Variants in ZC3H13 observed in about 807,000 individuals in gnomAD.
The protein encoded by ZC3H13 is zinc finger CCCH-type containing 13.
In ZC3H13, 64 loss-of-function variants were observed where a neutral mutation model predicts 204.1. The ratio of observed to expected loss-of-function variants is 0.31; its 90% CI spans 0.26 to 0.39. The LOEUF (loss-of-function observed/expected upper bound fraction) is 0.39, where lower values mean the gene tolerates loss of function less well. Among genes scored for constraint, ZC3H13 ranks in the 10% least tolerant of loss-of-function variants. The probability of loss-of-function intolerance (pLI) is 1.00; values close to 1 mark genes in which losing one functional copy is unlikely to be tolerated. For synonymous variants in ZC3H13, 667 were observed against 693.7 expected (o/e 0.96, Z 0.60); for missense variants, 1,833 against 2,082.7 (o/e 0.88, Z 2.33).
intron 4 of ZC3H13, among the ~76,000 whole-genome samples, chr13:46,029,427 C>CTT (rs964729202): frequency 2.1e-4 from 29 of 138,816 alleles, no homozygotes; most frequent in Admixed American, 3.6e-4. Context: ...TGGACTACTT[C>CTT]TTTTTTTTTT....
intron 10 of ZC3H13, among the ~76,000 whole-genome samples, chr13:45,983,015 A>G (rs557284308): frequency 6.6e-6 from 1 of 152,300 alleles, no homozygotes; most frequent in Non-Finnish European, 1.5e-5. Flanking sequence ...AAATTCCACA[A>G]TCACAGTGGA....
chr13:46,051,680 TAA>T (rs1228276189), intron 1 of ZC3H13, among the ~76,000 whole-genome samples: 2 of 152,182 alleles, frequency 1.3e-5, no homozygotes, highest in African/African-American at 4.8e-5. Flanking sequence ...CCAAAAATCT[TAA>T]GAGACTTCAT....
At chr13:45,981,479 T>C (rs990060490) in intron 10 of ZC3H13, among the ~76,000 whole-genome samples, 2 of 152,160 alleles carry the variant, frequency 1.3e-5, no homozygotes, top group African/African-American at 4.8e-5. Flanking sequence ...GCATGATTTA[T>C]AGTCCTTTGG....
At chr13:45,989,855 T>C (rs192073528) in intron 8 of ZC3H13, among the ~76,000 whole-genome samples, 180 of 152,312 alleles carry the variant, frequency 1.2e-3, no homozygotes, top group Non-Finnish European at 2.1e-3. Flanking sequence ...GTCCAAACTT[T>C]TGTGCAATAA....
intron 17 of ZC3H13, chr13:45,962,775 T>C (rs1333119420): frequency 3.0e-6 from 3 of 985,278 alleles, no homozygotes; most frequent in Non-Finnish European, 3.6e-6. Flanking sequence ...GGACATGACG[T>C]AAAATTGTTA....
chr13:46,044,495 T>C (rs989838536), intron 3 of ZC3H13, among the ~76,000 whole-genome samples: 1 of 152,136 alleles, frequency 6.6e-6, no homozygotes, highest in Non-Finnish European at 1.5e-5. Flanking sequence ...ATTAACATAC[T>C]GTGCTAAGGG....
At position 45,985,383 on chromosome 13, in the gene ZC3H13, T is replaced by C. The variant is rs1954082729; in HGVS notation, c.1634A>G (p.Asn545Ser). Residue 545 changes from asparagine to serine, a missense_variant, in exon 10 of 19, where the codon AAT becomes AGT. Transcript: ENST00000679008. ...ACTTCGAGACTCATTTCTGGACTCA[T>C]TCCTTATTTCCGTACGAGAACTTTC... ...REESSRTEIR[N>S]ESRNESRSEI... 1 of 1,614,250 alleles carries C rather than the reference T, an allele frequency of 6.2e-7. No homozygotes were observed. Among genetic ancestry groups the C allele is most frequent in the Non-Finnish European group, 8.5e-7 (1 of 1,180,046 alleles).
At chr13:46,048,792 G>A (rs1306890065) in intron 1 of ZC3H13, among the ~76,000 whole-genome samples, 3 of 151,886 alleles carry the variant, frequency 2.0e-5, no homozygotes, top group Non-Finnish European at 4.4e-5. Context: ...TTCACTTGCA[G>A]CTACTACTGT....
intron 10 of ZC3H13, among the ~76,000 whole-genome samples, chr13:45,982,753 CA>C (rs1953760796): frequency 6.6e-6 from 1 of 151,916 alleles, no homozygotes; most frequent in Admixed American, 6.6e-5. Context: ...TGTCAGCTCT[CA>C]AAAAGTCTGG....
At chr13:46,015,561 A>T (rs1260091537) in intron 5 of ZC3H13, among the ~76,000 whole-genome samples, 4 of 152,130 alleles carry the variant, frequency 2.6e-5, no homozygotes, top group Admixed American at 2.6e-4. Flanking sequence ...GATTACCAAA[A>T]TATTTTCACA....
rs143522893 is a variant in ZC3H13, at chr13:46,011,271, A to G, written c.588+144T>C. 345 of 507,472 alleles carry G rather than the reference A, an allele frequency of 6.8e-4. 2 individuals carry two copies. The highest frequency in any genetic ancestry group is 6.0e-3 in the African/African-American group (301 of 50,194). 31.4% of individuals were successfully genotyped at this position (507,472 alleles called of 1,614,324 possible). On this transcript the variant is annotated intron_variant, in intron 6 of 18. Coordinates refer to ENST00000679008, the MANE Select transcript of ZC3H13 (RefSeq NM_001330564.2). ...AGAATAATGTGAAAATTAAATGAAT[A>G]TATATGGAGTAGTACATATACAGTG...
chr13:46,027,318 CTGATCT>C (rs1258258349), intron 4 of ZC3H13, among the ~76,000 whole-genome samples: 1 of 152,138 alleles, frequency 6.6e-6, no homozygotes, highest in East Asian at 1.9e-4. Context: ...GTTGCCCAGG[CTGATCT>C]TGAACTTCTG....
At chr13:46,034,508 T>C (rs149059519) in intron 4 of ZC3H13, among the ~76,000 whole-genome samples, 417 of 152,258 alleles carry the variant, frequency 2.7e-3, no homozygotes, top group African/African-American at 6.5e-3. Context: ...GTAAGTACTA[T>C]GCTGAAAGAA....
chr13:45,957,852 AGAAGACAGCTAATCATGCAGTATGCT>A (rs1951378158), intron 18 of ZC3H13, among the ~76,000 whole-genome samples: 1 of 152,250 alleles, frequency 6.6e-6, no homozygotes, highest in Non-Finnish European at 1.5e-5. Context: ...TAAATCCTTT[AGAAGACAGCTAATCATGCAGTATGCT>A]GAAGAACTAC....
At chr13:45,965,495 A>C in intron 15 of ZC3H13, 63 bp from the exon 16 acceptor site, 1 of 1,563,102 alleles carries the variant, frequency 6.4e-7, no homozygotes, top group Non-Finnish European at 8.7e-7. Context: ...ACTAAGTCAA[A>C]CCAAAAGGTA....
intron 1 of ZC3H13, among the ~76,000 whole-genome samples, chr13:46,049,001 A>G (rs2139256189): frequency 6.6e-6 from 1 of 152,010 alleles, no homozygotes; most frequent in Non-Finnish European, 1.5e-5. Context: ...AAAATACAAA[A>G]ATTAGCTGGG....
At chr13:46,032,654 T>C (rs1180949879) in intron 4 of ZC3H13, among the ~76,000 whole-genome samples, 1 of 152,168 alleles carries the variant, frequency 6.6e-6, no homozygotes, top group Admixed American at 6.5e-5. Context: ...AGATTTATAT[T>C]TCCCTAAGAC....
Position 45,968,897 on chromosome 13 carries a change from C to T in ZC3H13, c.3647G>A (p.Arg1216Gln), listed in dbSNP as rs763817439. Residue 1216 changes from arginine to glutamine, a missense_variant, in exon 14 of 19, where the codon CGA becomes CAA. Around this residue, in one of 5 missense-constraint regions of ZC3H13, gnomAD observed 1,574 missense variants for 1,757.2 expected, o/e 0.90. Transcript: ENST00000679008. Reference sequence around the variant, plus strand: ...TCGACCACTTTGGTCATCTCCACTTCGATGGGCTGAATCATTGGATGGGGA... The same window carrying T: ...TCGACCACTTTGGTCATCTCCACTTTGATGGGCTGAATCATTGGATGGGGA... ...LRSPSNDSAHRSGDDQSGRKR... is the reference protein window; with the variant it reads ...LRSPSNDSAHQSGDDQSGRKR... The T allele has an allele frequency of 1.2e-5, 20 of 1,614,056 alleles. No individual in the cohort carries two copies. Among genetic ancestry groups the T allele is most frequent in the Admixed American group, 1.2e-4 (7 of 59,998 alleles).
At chr13:45,985,181 A>G in intron 10 of ZC3H13, 116 bp downstream of exon 10, 1 of 1,122,146 alleles carries the variant, frequency 8.9e-7, no homozygotes, top group South Asian at 1.8e-5. Context: ...AGTTCAATTA[A>G]TTAAAAATTA....
Sources: gnomAD v4.1 joint callset for allele counts (sites outside exome capture counted in the v4.1 genomes callset) on GRCh38, gnomAD v4.1.1 for gene constraint, gnomAD v4.1.1 regional missense constraint, MANE v1.5 for transcripts, NCBI Gene and HGNC (gene_info 2026-07-23, HGNC 2026-07-21) for gene names.